LINGO2: variants seen among roughly 807,000 people sequenced by gnomAD.
LINGO2 encodes the protein leucine rich repeat and Ig domain containing 2, also known as leucine-rich repeat and immunoglobulin-like domain-containing nogo receptor-interacting protein 2.
In LINGO2, 14 loss-of-function variants were observed where a neutral mutation model predicts 30.6. That is an observed-to-expected ratio of 0.46 (90% CI 0.30 to 0.72). The LOEUF is 0.72. LINGO2 is among the 30% of genes least tolerant of loss of function. LINGO2 has a pLI of 0.07. For missense variants in LINGO2, 729 were observed against 751.7 expected (o/e 0.97, Z 0.35); for synonymous variants, 317 against 288.5 (o/e 1.10, Z -1.00).
chr9:27,980,060 C>T (rs939329865), intron 5 of LINGO2, among the ~76,000 whole-genome samples: 2 of 151,792 alleles, frequency 1.3e-5, no homozygotes, highest in African/African-American at 4.8e-5. Context: ...TTTCCAACAC[C>T]AGCTGTTCAG....
chr9:28,704,908 C>G, the LINGO2 span, among the ~76,000 whole-genome samples: 2 of 151,828 alleles, frequency 1.3e-5, no homozygotes, highest in African/African-American at 4.8e-5. Flanking sequence ...GACTCTGGAT[C>G]TGATGTTATT....
chr9:28,636,520 C>CTGGTG (rs1827283464), intron 1 of LINGO2, among the ~76,000 whole-genome samples: 1 of 152,288 alleles, frequency 6.6e-6, no homozygotes, highest in Admixed American at 6.5e-5. Flanking sequence ...GCCATTCTAA[C>CTGGTG]TGGTGTGAGA....
chr9:28,774,897 G>A, the LINGO2 span, among the ~76,000 whole-genome samples: 4 of 152,040 alleles, frequency 2.6e-5, no homozygotes, highest in African/African-American at 7.2e-5. Context: ...AAATGAAAGC[G>A]CTGGACCTTA....
chr9:28,663,081 C>A (rs929255721), intron 1 of LINGO2, among the ~76,000 whole-genome samples: 17 of 151,572 alleles, frequency 1.1e-4, no homozygotes, highest in Admixed American at 1.3e-4. Flanking sequence ...AACTGTCAGA[C>A]CAAAAAAAGT....
chr9:28,387,339 T>C (rs908843353), intron 2 of LINGO2, among the ~76,000 whole-genome samples: 7 of 152,118 alleles, frequency 4.6e-5, no homozygotes, highest in Admixed American at 6.5e-5. Flanking sequence ...GCTCTGTGTC[T>C]AGCTAAAGAT....
intron 3 of LINGO2, among the ~76,000 whole-genome samples, chr9:28,319,861 T>C (rs1824975477): frequency 2.6e-5 from 4 of 152,028 alleles, no homozygotes; most frequent in African/African-American, 9.7e-5. Context: ...TATATGTAAA[T>C]TACATGCAAG....
chr9:28,420,297 T>C (rs930286128), intron 2 of LINGO2, among the ~76,000 whole-genome samples: 2 of 152,114 alleles, frequency 1.3e-5, no homozygotes, highest in Non-Finnish European at 2.9e-5. Context: ...ACAAGGTCAA[T>C]TTTAGAAAGC....
the LINGO2 span, among the ~76,000 whole-genome samples, chr9:29,163,452 AAG>A: frequency 6.6e-6 from 1 of 152,178 alleles, no homozygotes; most frequent in East Asian, 1.9e-4. Flanking sequence ...GAGTAGGAAA[AAG>A]AGATTAGAGT....
the LINGO2 span, among the ~76,000 whole-genome samples, chr9:29,165,015 CT>C: frequency 6.6e-6 from 1 of 152,056 alleles, no homozygotes; most frequent in South Asian, 2.1e-4. Context: ...AAATGAAAAT[CT>C]CTTTTAACCT....
chr9:28,273,447 T>C (rs1823012197), intron 4 of LINGO2, among the ~76,000 whole-genome samples: 1 of 152,250 alleles, frequency 6.6e-6, no homozygotes, highest in Admixed American at 6.5e-5. Flanking sequence ...TCAGGGAAAA[T>C]GGTCCCTTAG....
At chr9:28,872,500 G>T in the LINGO2 span, among the ~76,000 whole-genome samples, 2 of 151,992 alleles carry the variant, frequency 1.3e-5, no homozygotes, top group Admixed American at 1.3e-4. Context: ...AGATGTGATG[G>T]CAAATTCTTG....
At chr9:28,902,051 T>C in the LINGO2 span, among the ~76,000 whole-genome samples, 2 of 152,100 alleles carry the variant, frequency 1.3e-5, no homozygotes, top group South Asian at 2.1e-4. Context: ...ATAATAATAA[T>C]GTTTTATAAA....
At chr9:28,880,979 T>G in the LINGO2 span, among the ~76,000 whole-genome samples, 1 of 152,104 alleles carries the variant, frequency 6.6e-6, no homozygotes, top group Non-Finnish European at 1.5e-5. Context: ...GACCTTCTCC[T>G]TATTATCACC....
intron 4 of LINGO2, among the ~76,000 whole-genome samples, chr9:28,294,626 A>G (rs969159627): frequency 1.3e-5 from 2 of 152,204 alleles, no homozygotes; most frequent in Non-Finnish European, 2.9e-5. Context: ...AGGAGATAAA[A>G]GAGTACTTGA....
the LINGO2 span, among the ~76,000 whole-genome samples, chr9:28,914,938 C>T: frequency 6.6e-6 from 1 of 152,128 alleles, no homozygotes; most frequent in Non-Finnish European, 1.5e-5. Flanking sequence ...GGGAGACCAT[C>T]CTGGCCAACA....
chr9:28,355,499 GAC>G (rs67521241), intron 3 of LINGO2, among the ~76,000 whole-genome samples: 5,323 of 151,712 alleles, frequency 0.035, 114 homozygotes, highest in East Asian at 0.084. Context: ...AAATGTGTTA[GAC>G]ACCAGCTAAA....
chr9:29,148,469 C>A, the LINGO2 span, among the ~76,000 whole-genome samples: 1 of 152,130 alleles, frequency 6.6e-6, no homozygotes, highest in Non-Finnish European at 1.5e-5. Context: ...CTTTTGGTGT[C>A]TATGATTATA....
chr9:28,351,809 A>G (rs893333640), intron 3 of LINGO2, among the ~76,000 whole-genome samples: 1 of 151,624 alleles, frequency 6.6e-6, no homozygotes, highest in African/African-American at 2.4e-5. Flanking sequence ...ACCATGATCA[A>G]GTGGGCTTCA....
At chr9:28,528,785 G>T (rs1821121951) in intron 1 of LINGO2, among the ~76,000 whole-genome samples, 3 of 151,364 alleles carry the variant, frequency 2.0e-5, no homozygotes, top group Non-Finnish European at 2.9e-5. Context: ...GTGTATTGTT[G>T]ATGTGTATAT....
Sources: allele counts gnomAD v4.1 joint callset (sites outside exome capture counted in the v4.1 genomes callset), GRCh38; gene constraint gnomAD v4.1.1; transcripts MANE v1.5; gene names NCBI Gene and HGNC (gene_info 2026-07-23, HGNC 2026-07-21).